Variants in LINC00305 observed in about 807,000 individuals in gnomAD.
The protein encoded by LINC00305 is long independently transcribed non-coding RNA 305, also known as long intergenic non-protein coding RNA 305.
Position 64,087,853 on chromosome 18 carries a change from AG to A in LINC00305, n.541-7452del, listed in dbSNP as rs1365923146. Among the ~76,000 whole-genome samples, 3 of 152,260 alleles carry A rather than the reference AG, an allele frequency of 2.0e-5. No individual in the cohort carries two copies. In the East Asian group the frequency reaches 5.8e-4, roughly 29 times the overall value. ...ACGCCTGTAATCCCAGCACTTTGGGAGGCCGAGGCGGATGGATCACAAGGTC... is the reference window on the plus strand; with the variant it reads ...ACGCCTGTAATCCCAGCACTTTGGGAGCCGAGGCGGATGGATCACAAGGTC... On this transcript the variant is annotated intron_variant and non_coding_transcript_variant, in intron 3 of 3. Coordinates refer to ENST00000666468, the Ensembl canonical transcript of LINC00305.
chr18:64,123,042 C>G (rs2051369091), intron 1 of LINC00305, among the ~76,000 whole-genome samples: 1 of 151,962 alleles, frequency 6.6e-6, no homozygotes, highest in South Asian at 2.1e-4. Flanking sequence ...GATTTTGCAT[C>G]CTGCTGAATT....
At chr18:64,110,055 C>T (rs1240627880) in intron 1 of LINC00305, among the ~76,000 whole-genome samples, 1 of 152,074 alleles carries the variant, frequency 6.6e-6, no homozygotes. Context: ...TCCAATATGG[C>T]CCATGGAAGC....
At chr18:64,142,725 C>G (rs548475785) in intron 1 of LINC00305, among the ~76,000 whole-genome samples, 1 of 152,132 alleles carries the variant, frequency 6.6e-6, no homozygotes, top group Non-Finnish European at 1.5e-5. Context: ...GCGCCCTATT[C>G]CACTCCTTGT....
At chr18:64,136,185 C>T (rs1343253404) in intron 1 of LINC00305, among the ~76,000 whole-genome samples, 4 of 152,148 alleles carry the variant, frequency 2.6e-5, no homozygotes, top group Admixed American at 6.5e-5. Context: ...AATGTGTTTT[C>T]GTCCTTACTG....
At chr18:64,094,887 T>TAAATAAATAAATAAATAAATAAATAAA (rs780361977) in intron 3 of LINC00305, among the ~76,000 whole-genome samples, 198 of 114,662 alleles carry the variant, frequency 1.7e-3, no homozygotes, top group Middle Eastern at 3.7e-3. Context: ...AAATAAATAA[T>TAAATAAATAAATAAATAAATAAATAAA]AAAATAAAAT....
At chr18:64,144,525 T>G (rs1334973149) in intron 1 of LINC00305, among the ~76,000 whole-genome samples, 1 of 152,008 alleles carries the variant, frequency 6.6e-6, no homozygotes, top group African/African-American at 2.4e-5. Flanking sequence ...AATTTTTTTT[T>G]GAGACGGAAT....
At chr18:64,144,382 AAGGAAAAAGC>A (rs1347932373) in intron 1 of LINC00305, among the ~76,000 whole-genome samples, 1 of 152,198 alleles carries the variant, frequency 6.6e-6, no homozygotes, top group African/African-American at 2.4e-5. Flanking sequence ...TGATGGAATT[AAGGAAAAAGC>A]AGGAAAATGC....
Position 64,128,360 on chromosome 18 carries a change from T to C in LINC00305, n.314+20415A>G, listed in dbSNP as rs576277434. On this transcript the variant is annotated intron_variant and non_coding_transcript_variant, in intron 1 of 3. Transcript: ENST00000666468. ...CTGTGACACCATCACCTGCCACCTGTCACCTGTCACCTCCAGGTCACAATC... is the reference window on the plus strand; with the variant it reads ...CTGTGACACCATCACCTGCCACCTGCCACCTGTCACCTCCAGGTCACAATC... 5.4e-5 allele frequency among the ~76,000 whole-genome samples: 8 copies of C among 148,720 alleles called. No individual in the cohort carries two copies. In the East Asian group the frequency reaches 8.0e-4, roughly 15 times the overall value.
intron 3 of LINC00305, among the ~76,000 whole-genome samples, chr18:64,087,788 C>T (rs2051208903): frequency 6.6e-6 from 1 of 152,030 alleles, no homozygotes; most frequent in South Asian, 2.1e-4. Flanking sequence ...AACCATTACT[C>T]AATAGAAATT....
chr18:64,083,339 AC>A lies in LINC00305; in HGVS notation n.541-2938del, dbSNP rs772101116. On this transcript the variant is annotated intron_variant and non_coding_transcript_variant, in intron 3 of 3. Transcript: ENST00000666468. The stretch of plus-strand genomic sequence containing the variant: ...GGCTCTTCAAAAACCTCACCGCGAT[AC>A]CCCATTGTTCCCACTGACTATAATT... Among the ~76,000 whole-genome samples, 8 of 152,064 alleles carry A rather than the reference AC, an allele frequency of 5.3e-5. No individual in the cohort carries two copies. In the South Asian group the frequency reaches 1.7e-3, roughly 32 times the overall value.
intron 1 of LINC00305, among the ~76,000 whole-genome samples, chr18:64,108,182 T>G (rs1217102051): frequency 1.3e-5 from 2 of 152,176 alleles, no homozygotes; most frequent in Admixed American, 1.3e-4. Context: ...CTCTACAAAT[T>G]GAAGAAGCAA....
At chr18:64,132,411 A>G (rs1246182369) in intron 1 of LINC00305, among the ~76,000 whole-genome samples, 2 of 152,204 alleles carry the variant, frequency 1.3e-5, no homozygotes, top group Non-Finnish European at 2.9e-5. Flanking sequence ...GTGCCTCATT[A>G]TATTAATTAT....
chr18:64,127,974 T>A (rs920466325), intron 1 of LINC00305, among the ~76,000 whole-genome samples: 1 of 152,124 alleles, frequency 6.6e-6, no homozygotes, highest in Non-Finnish European at 1.5e-5. Context: ...TTTTACATGC[T>A]GAGCTCTCAA....
intron 1 of LINC00305, among the ~76,000 whole-genome samples, chr18:64,142,541 C>T (rs746645569): frequency 6.6e-6 from 1 of 152,144 alleles, no homozygotes; most frequent in Non-Finnish European, 1.5e-5. Flanking sequence ...TCTCTGGAGA[C>T]CAAATACAAG....
Position 64,108,539 on chromosome 18 carries a change from A to C in LINC00305, n.315-9899T>G, listed in dbSNP as rs555968358. On this transcript the variant is annotated intron_variant and non_coding_transcript_variant, in intron 1 of 3. Transcript: ENST00000666468. ...TCTATTCCCATTCCTTGGTCACAGA[A>C]GGCCTCTTAGAGTTGTCTCCCAGGA... Among the ~76,000 whole-genome samples the C allele has an allele frequency of 2.6e-5, 4 of 152,322 alleles. No homozygotes were observed. The South Asian group carries it at 8.3e-4, about 32-fold the overall frequency.
At chr18:64,140,398 AG>A (rs1456218365) in intron 1 of LINC00305, among the ~76,000 whole-genome samples, 1 of 152,046 alleles carries the variant, frequency 6.6e-6, no homozygotes, top group African/African-American at 2.4e-5. Context: ...TAGTTGAGAC[AG>A]GGTTTCACCA....
At chr18:64,091,718 C>G (rs1218232742) in intron 3 of LINC00305, among the ~76,000 whole-genome samples, 2 of 152,326 alleles carry the variant, frequency 1.3e-5, no homozygotes, top group African/African-American at 4.8e-5. Context: ...TCACCACACT[C>G]TCCCTGTTGC....
At chr18:64,114,125 C>G (rs1176326785) in intron 1 of LINC00305, among the ~76,000 whole-genome samples, 1 of 152,070 alleles carries the variant, frequency 6.6e-6, no homozygotes, top group Non-Finnish European at 1.5e-5. Context: ...AAAAAATTAG[C>G]CGGGCGTGGT....
At chr18:64,094,211 C>T (rs1040717549) in intron 3 of LINC00305, among the ~76,000 whole-genome samples, 5 of 152,142 alleles carry the variant, frequency 3.3e-5, no homozygotes, top group African/African-American at 1.2e-4. Flanking sequence ...AGTCAATCAT[C>T]TGAGAGAAAG....
Sources: gnomAD v4.1 joint callset for allele counts (sites outside exome capture counted in the v4.1 genomes callset) on GRCh38, gnomAD v4.1.1 for gene constraint, MANE v1.5 for transcripts, NCBI Gene and HGNC (gene_info 2026-07-23, HGNC 2026-07-21) for gene names.